Variants in U2AF2 observed in about 807,000 individuals in gnomAD.
The protein encoded by U2AF2 is splicing factor U2AF 65 kDa subunit.
U2AF2 carries 6 observed loss-of-function variants against 52.6 expected under a neutral mutation model. That is an observed-to-expected ratio of 0.11 (90% CI 0.06 to 0.23). U2AF2 has a LOEUF of 0.23. U2AF2 is among the 10% of genes least tolerant of loss of function. The probability of loss-of-function intolerance (pLI) is 1.00; values close to 1 mark genes in which losing one functional copy is unlikely to be tolerated. For missense variants in U2AF2, 222 were observed against 677.1 expected (o/e 0.33, Z 7.46); for synonymous variants, 284 against 258.2 (o/e 1.10, Z -0.96).
rs140499648 is a variant in U2AF2 at position 55,657,728 on chromosome 19, C to G, written c.50-1482C>G. ...ATTATATTGTCATTAATGGTTCTAG[C>G]CAGACCTGAGTGTTCTGCCTGATCC... is the stretch of plus-strand genomic sequence containing the variant. On this transcript the variant is annotated intron_variant, in intron 1 of 11. Coordinates refer to ENST00000308924, the MANE Select transcript of U2AF2 (RefSeq NM_007279.3). Among the ~76,000 whole-genome samples, 508 of 152,280 alleles carry G rather than the reference C, an allele frequency of 3.3e-3. 2 individuals carry two copies. Among genetic ancestry groups the G allele is most frequent in the Non-Finnish European group, 5.5e-3 (372 of 68,032 alleles).
At position 55,660,497 on chromosome 19, in the gene U2AF2, CCCCT is replaced by C; in HGVS notation, c.231-15_231-12del. On this transcript the variant is annotated splice_polypyrimidine_tract_variant and intron_variant, in intron 3 of 11. Coordinates refer to ENST00000308924, the MANE Select transcript of U2AF2 (RefSeq NM_007279.3). Reference sequence around the variant, plus strand: ...GACTGAGGTTGCCCTGCCCCGCTCTCCCCTCCCACCTCCCCCAGTCGTTCCCCCC... The same window carrying C: ...GACTGAGGTTGCCCTGCCCCGCTCTCCCCACCTCCCCCAGTCGTTCCCCCC... The C allele has an allele frequency of 1.5e-5, 11 of 750,812 alleles. No homozygotes were observed. Among genetic ancestry groups the C allele is most frequent in the Non-Finnish European group, 2.6e-5 (11 of 425,568 alleles). The allele number at this position is 750,812 out of a possible 1,614,324, so 46.5% of individuals were successfully genotyped here.
rs750083529 is a variant in U2AF2, at chr19:55,668,392, G to C, written c.743-115G>C. 244 of 1,071,730 alleles carry C rather than the reference G, an allele frequency of 2.3e-4. No individual in the cohort carries two copies. Among genetic ancestry groups the C allele is most frequent in the Non-Finnish European group, 3.1e-4 (232 of 760,020 alleles). 66.4% of individuals were successfully genotyped at this position (1,071,730 alleles called of 1,614,324 possible). A position where few individuals can be genotyped will look rare whatever the true frequency, so the allele number is the denominator to read the frequency against. ...GTGGGCACGTGGCGACCCCTCCCTC[G>C]TCAGATCAGGCAGGAAGTGTTCTCT... On this transcript the variant is annotated intron_variant, in intron 7 of 11. Transcript: ENST00000308924. This position sits in a 1 kb window ranked among gnomAD's most constrained non-coding sequence, Gnocchi z 5.5.
intron 11 of U2AF2, among the ~76,000 whole-genome samples, chr19:55,670,262 C>T (rs1196282794): frequency 2.0e-5 from 3 of 152,070 alleles, no homozygotes; most frequent in Admixed American, 6.6e-5. Context: ...CTGTCACCTC[C>T]AGCGCCGTGA....
intron 7 of U2AF2, among the ~76,000 whole-genome samples, chr19:55,667,668 C>T (rs1206080179): frequency 6.6e-6 from 1 of 152,222 alleles, no homozygotes; most frequent in Non-Finnish European, 1.5e-5. Flanking sequence ...GGATGCTGTT[C>T]TGAGACTTCC....
chr19:55,663,572 C>A (rs1345573737), intron 6 of U2AF2, 34 bp from the exon 7 acceptor site: 1 of 1,607,492 alleles, frequency 6.2e-7, no homozygotes. Context: ...GTCCCTGACC[C>A]CCATCCCTCA....
intron 7 of U2AF2, among the ~76,000 whole-genome samples, chr19:55,664,309 G>C (rs747395418): frequency 3.3e-5 from 5 of 152,218 alleles, no homozygotes; most frequent in Admixed American, 2.6e-4. Context: ...CGGTGTCTGC[G>C]TGCGTGGGCC....
intron 4 of U2AF2, 89 bp from the exon 5 acceptor site, chr19:55,660,949 C>T (rs1984148051): frequency 2.0e-6 from 3 of 1,490,772 alleles, no homozygotes; most frequent in Non-Finnish European, 2.7e-6. Context: ...GAGCTTTCTG[C>T]TGAGGAGGGG....
At position 55,668,321 on chromosome 19, in the gene U2AF2, G is replaced by T. The variant is rs1310883831; in HGVS notation, c.743-186G>T. Among the ~76,000 whole-genome samples, 2 of 152,178 alleles carry T rather than the reference G, an allele frequency of 1.3e-5. No individual in the cohort carries two copies. Among genetic ancestry groups the T allele is most frequent in the Admixed American group, 6.5e-5 (1 of 15,280 alleles). The stretch of plus-strand genomic sequence containing the variant: ...TGCGTTCTCCCCGAGGAGCCTCTGT[G>T]TGCCACTGCCCAGGACCCTCACTGG... On this transcript the variant is annotated intron_variant, in intron 7 of 11. Coordinates refer to ENST00000308924, the MANE Select transcript of U2AF2 (RefSeq NM_007279.3). This position sits in a 1 kb window ranked among gnomAD's most constrained non-coding sequence, Gnocchi z 5.5.
chr19:55,662,225 T>A (rs1984256776), intron 5 of U2AF2: 1 of 351,380 alleles, frequency 2.8e-6, no homozygotes, highest in South Asian at 6.4e-5. Context: ...TTCCCCTGAT[T>A]TTTTGGGGCC....
chr19:55,663,532 C>T (rs1984352410), intron 6 of U2AF2, 74 bp from the exon 7 acceptor site: 3 of 1,543,936 alleles, frequency 1.9e-6, no homozygotes, highest in East Asian at 2.3e-5. Context: ...AAGAGGAAAT[C>T]CCAATCCTGG....
chr19:55,674,372 A>G lies in U2AF2; in HGVS notation c.*304A>G, dbSNP rs1411104199. 6 of 322,288 alleles carry G rather than the reference A, an allele frequency of 1.9e-5. No individual in the cohort carries two copies. The Admixed American group carries it at 2.4e-4, about 13-fold the overall frequency. The allele number at this position is 322,288 out of a possible 1,614,324, so 20.0% of individuals were successfully genotyped here. ...GCACAGCAGGGCGGGGTAGGACCCC[A>G]GCCCCTCCCAAAACAGCCTCTCCTT... On this transcript the variant is annotated 3_prime_UTR_variant, in exon 12 of 12. Coordinates refer to ENST00000308924, the MANE Select transcript of U2AF2 (RefSeq NM_007279.3).
At chr19:55,659,017 C>G (rs932172717) in intron 1 of U2AF2, 193 bp from the exon 2 acceptor site, 1 of 846,448 alleles carries the variant, frequency 1.2e-6, no homozygotes, top group Non-Finnish European at 1.6e-6. Flanking sequence ...CAGGCCCCGT[C>G]CCCCTGGTCC....
rs199521970 is a variant in U2AF2 at position 55,669,705 on chromosome 19, C to G, written c.1293+13C>G. On this transcript the variant is annotated intron_variant, in intron 11 of 11. Coordinates refer to ENST00000308924, the MANE Select transcript of U2AF2 (RefSeq NM_007279.3). ...CGGCTGCGGAAAGGTCAGGAGGCCT[C>G]GGGCTCAGTGCTCTCTCACCCTCTG... 2.5e-6 allele frequency: 4 copies of G among 1,588,208 alleles called. No homozygotes were observed. In the Admixed American group the frequency reaches 6.8e-5, roughly 27 times the overall value.
intron 2 of U2AF2, among the ~76,000 whole-genome samples, chr19:55,659,730 C>G (rs998963265): frequency 2.0e-5 from 3 of 152,098 alleles, no homozygotes; most frequent in Non-Finnish European, 4.4e-5. Flanking sequence ...GGGTTGGTCT[C>G]TGCCTCCAGT....
At chr19:55,665,524 A>G (rs1018990101) in intron 7 of U2AF2, among the ~76,000 whole-genome samples, 1 of 145,114 alleles carries the variant, frequency 6.9e-6, no homozygotes, top group South Asian at 2.3e-4. Flanking sequence ...CCCTCCATGG[A>G]CGGCAGTTCT....
At position 55,668,923 on chromosome 19, in the gene U2AF2, C is replaced by T; in HGVS notation, c.945+131C>T. On this transcript the variant is annotated intron_variant, in intron 9 of 11. Transcript: ENST00000308924. The surrounding 1 kb of genome is among the most constrained non-coding windows in gnomAD (Gnocchi z 5.5). ...CCTGAGGCAGTGCCCTGTGTGTGGG[C>T]TCGTCCCTGTCCCATGGCGTTGGCT... 1 of 1,508,534 alleles carries T rather than the reference C, an allele frequency of 6.6e-7. No individual in the cohort carries two copies. Among genetic ancestry groups the T allele is most frequent in the Non-Finnish European group, 8.9e-7 (1 of 1,120,834 alleles). The allele number at this position is 1,508,534 out of a possible 1,614,324, so 93.4% of individuals were successfully genotyped here.
chr19:55,664,893 T>C (rs2123685524), intron 7 of U2AF2, among the ~76,000 whole-genome samples: 1 of 152,200 alleles, frequency 6.6e-6, no homozygotes, highest in Admixed American at 6.5e-5. Context: ...AATTTTTGTA[T>C]TTTTAGTAGA....
chr19:55,663,780 C>G, intron 7 of U2AF2, 36 bp downstream of exon 7: 1 of 1,612,304 alleles, frequency 6.2e-7, no homozygotes, highest in Non-Finnish European at 8.5e-7. Flanking sequence ...CCTTTCTCCC[C>G]CAGTCCTGTT....
Position 55,674,358 on chromosome 19 carries a change from C to A in U2AF2, c.*290C>A. ...GATGGGGACAGGGTGCACAGCAGGG[C>A]GGGGTAGGACCCCAGCCCCTCCCAA... On this transcript the variant is annotated 3_prime_UTR_variant, in exon 12 of 12. Coordinates refer to ENST00000308924, the MANE Select transcript of U2AF2 (RefSeq NM_007279.3). 1 of 356,964 alleles carries A rather than the reference C, an allele frequency of 2.8e-6. No individual in the cohort carries two copies. Among genetic ancestry groups the A allele is most frequent in the Non-Finnish European group, 5.2e-6 (1 of 191,838 alleles). The allele number at this position is 356,964 out of a possible 1,614,324, so 22.1% of individuals were successfully genotyped here. A position where few individuals can be genotyped will look rare whatever the true frequency, so the allele number is the denominator to read the frequency against.
Sources: gnomAD v4.1 joint callset for allele counts (sites outside exome capture counted in the v4.1 genomes callset) on GRCh38, gnomAD v4.1.1 for gene constraint, Gnocchi (gnomAD v3.1) non-coding constraint, MANE v1.5 for transcripts, NCBI Gene and HGNC (gene_info 2026-07-23, HGNC 2026-07-21) for gene names.